Variants in PBK observed in about 807,000 individuals in gnomAD.
PBK encodes lymphokine-activated killer T-cell-originated protein kinase.
PBK carries 22 observed loss-of-function variants against 33.5 expected under a neutral mutation model. The ratio of observed to expected loss-of-function variants is 0.66; its 90% CI spans 0.47 to 0.94. PBK has a LOEUF of 0.94. Ranked by LOEUF, PBK falls within the 40% of genes least tolerant of loss-of-function variation. The pLI, the probability that PBK is intolerant of heterozygous loss-of-function variation, is 0.00. For missense variants in PBK, 376 were observed against 383.4 expected (o/e 0.98, Z 0.16); for synonymous variants, 129 against 123.8 (o/e 1.04, Z -0.28).
At chr8:27,818,041 C>T (rs183343013) in intron 6 of PBK, among the ~76,000 whole-genome samples, 1 of 152,228 alleles carries the variant, frequency 6.6e-6, no homozygotes, top group Non-Finnish European at 1.5e-5. Context: ...TTGGACAGTA[C>T]CACTCCAATG....
At chr8:27,824,532 A>G (rs898777260) in intron 3 of PBK, among the ~76,000 whole-genome samples, 9 of 152,176 alleles carry the variant, frequency 5.9e-5, no homozygotes, top group Admixed American at 4.6e-4. Flanking sequence ...TTATGCAATC[A>G]TTTAAGACAA....
At chr8:27,811,426 C>T in intron 6 of PBK, 1 of 509,354 alleles carries the variant, frequency 2.0e-6, no homozygotes, top group Non-Finnish European at 3.5e-6. Context: ...GCCAGACTGC[C>T]TTGCTTGGGT....
At chr8:27,820,438 A>G (rs569019133) in intron 6 of PBK, 127 bp downstream of exon 6, 6 of 625,560 alleles carry the variant, frequency 9.6e-6, no homozygotes, top group African/African-American at 9.4e-5. Context: ...AGAGAGAAAA[A>G]AAGGGGACTT....
At chr8:27,821,539 C>T (rs531640044) in intron 5 of PBK, among the ~76,000 whole-genome samples, 2 of 152,220 alleles carry the variant, frequency 1.3e-5, no homozygotes, top group Middle Eastern at 3.4e-3. Context: ...GGATTACAGG[C>T]GTGAGCCACC....
Position 27,823,045 on chromosome 8 carries a change from T to C in PBK, c.295+18A>G. 1.3e-6 allele frequency: 2 copies of C among 1,542,354 alleles called. No individual in the cohort carries two copies. Among genetic ancestry groups the C allele is most frequent in the Non-Finnish European group, 1.8e-6 (2 of 1,120,596 alleles). ...AACAAAATAATATACCAGATACTGC[T>C]ACCAAATTTAAACGTACCAACAATG... On this transcript the variant is annotated intron_variant, in intron 4 of 7. Coordinates refer to ENST00000301905, the MANE Select transcript of PBK (RefSeq NM_018492.4).
chr8:27,818,134 A>G (rs1223275239), intron 6 of PBK, among the ~76,000 whole-genome samples: 5 of 152,218 alleles, frequency 3.3e-5, no homozygotes, highest in African/African-American at 1.2e-4. Context: ...AGAATGACAC[A>G]GAACAAGGTG....
chr8:27,818,939 C>G (rs558777), intron 6 of PBK, among the ~76,000 whole-genome samples: 26 of 152,042 alleles, frequency 1.7e-4, no homozygotes, highest in Non-Finnish European at 3.2e-4. Context: ...TCTAAAATGT[C>G]CAGATAACAT....
In PBK at chr8:27,823,137, T is replaced by A. The variant is rs572508534; in HGVS notation, c.221A>T (p.Tyr74Phe). The A allele has an allele frequency of 8.4e-5, 131 of 1,558,906 alleles. No homozygotes were observed. In the Admixed American group the frequency reaches 1.6e-3, roughly 19 times the overall value. Residue 74 changes from tyrosine to phenylalanine, a missense_variant, in exon 4 of 8, where the codon TAT becomes TTT. Coordinates refer to ENST00000301905, the MANE Select transcript of PBK (RefSeq NM_018492.4). The stretch of plus-strand genomic sequence containing the variant: ...TAGTCTCTTTTGATACACACTTCGA[T>A]AATGATCATTACATATAGGATTAAT... ...KKINPICNDH[Y>F]RSVYQKRLMD... is the part of the protein sequence containing the mutation.
chr8:27,828,423 G>A (rs933501380), intron 2 of PBK, among the ~76,000 whole-genome samples: 1 of 152,084 alleles, frequency 6.6e-6, no homozygotes, highest in Non-Finnish European at 1.5e-5. Context: ...GCCTGTTTTT[G>A]TATGGCCTAC....
chr8:27,834,745 A>T (rs986605199), intron 1 of PBK, among the ~76,000 whole-genome samples: 2 of 152,114 alleles, frequency 1.3e-5, no homozygotes, highest in Non-Finnish European at 2.9e-5. Context: ...AATACAAAAA[A>T]ATTAGCCAGG....
At chr8:27,830,470 A>G (rs182963066) in intron 2 of PBK, among the ~76,000 whole-genome samples, 18 of 152,310 alleles carry the variant, frequency 1.2e-4, no homozygotes, top group African/African-American at 2.6e-4. Context: ...AAAATCATCA[A>G]TGAGCTATGG....
At chr8:27,830,873 G>A (rs955986074) in intron 2 of PBK, among the ~76,000 whole-genome samples, 1 of 152,082 alleles carries the variant, frequency 6.6e-6, no homozygotes, top group Non-Finnish European at 1.5e-5. Flanking sequence ...AAGAGTAAAG[G>A]GTTGAAAAAC....
intron 6 of PBK, chr8:27,812,140 G>A (rs1049191543): frequency 2.6e-5 from 4 of 152,060 alleles, no homozygotes; most frequent in African/African-American, 7.2e-5. Flanking sequence ...AGGCATCCTG[G>A]TCTTGTTCCC....
intron 2 of PBK, among the ~76,000 whole-genome samples, chr8:27,831,498 C>G (rs961714217): frequency 1.8e-4 from 20 of 113,260 alleles, no homozygotes; most frequent in Admixed American, 4.2e-4. Context: ...CAACTCTCTT[C>G]TCTCATAATT....
Position 27,832,909 on chromosome 8 carries a change from T to A in PBK, c.58+147A>T, listed in dbSNP as rs536247980. The A allele has an allele frequency of 1.6e-5, 9 of 566,486 alleles. No homozygotes were observed. In the African/African-American group the frequency reaches 1.7e-4, roughly 11 times the overall value. 35.1% of individuals were successfully genotyped at this position (566,486 alleles called of 1,614,324 possible). A position where few individuals can be genotyped will look rare whatever the true frequency, so the allele number is the denominator to read the frequency against. ...ATCAAACCGTGGCCTATAAAATAAG[T>A]CTTATTTGTTAAGATTAACATCATA... On this transcript the variant is annotated intron_variant, in intron 2 of 7. Transcript: ENST00000301905.
chr8:27,835,490 C>A (rs1806210253), intron 1 of PBK, among the ~76,000 whole-genome samples: 1 of 152,010 alleles, frequency 6.6e-6, no homozygotes, highest in Non-Finnish European at 1.5e-5. Context: ...GACTCCCCTT[C>A]TTCCATCTGT....
chr8:27,834,392 T>TA (rs1361457419), intron 1 of PBK, among the ~76,000 whole-genome samples: 1 of 152,138 alleles, frequency 6.6e-6, no homozygotes, highest in African/African-American at 2.4e-5. Flanking sequence ...GCTGAATAGT[T>TA]ACTAAGGACT....
chr8:27,812,807 AAGTC>A (rs1168984509), intron 6 of PBK, among the ~76,000 whole-genome samples: 3 of 152,206 alleles, frequency 2.0e-5, no homozygotes, highest in African/African-American at 7.2e-5. Context: ...AATCATTAAA[AAGTC>A]AGGAAACAAC....
At chr8:27,819,298 G>A (rs7009648) in intron 6 of PBK, among the ~76,000 whole-genome samples, 23,952 of 149,028 alleles carry the variant, frequency 0.16, 2,404 homozygotes, top group East Asian at 0.38. Flanking sequence ...TTCTTAGGGC[G>A]TCATTTTTTT....
Sources: gnomAD v4.1 joint callset for allele counts (sites outside exome capture counted in the v4.1 genomes callset) on GRCh38, gnomAD v4.1.1 for gene constraint, MANE v1.5 for transcripts, NCBI Gene and HGNC (gene_info 2026-07-23, HGNC 2026-07-21) for gene names.